HERC1: variants seen among roughly 807,000 people sequenced by gnomAD.
The protein encoded by HERC1 is probable E3 ubiquitin-protein ligase HERC1.
In HERC1, 160 loss-of-function variants were observed where a neutral mutation model predicts 554.3. That is an observed-to-expected ratio of 0.29 (90% CI 0.25 to 0.33). HERC1 has a LOEUF of 0.33. Ranked by LOEUF, HERC1 falls within the 10% of genes least tolerant of loss-of-function variation. The probability of loss-of-function intolerance (pLI) is 1.00; values close to 1 mark genes in which losing one functional copy is unlikely to be tolerated. For missense variants in HERC1, 4,919 were observed against 5,918.5 expected, an observed-to-expected ratio of 0.83 and a Z score of 5.54; for synonymous variants, 2,175 against 2,131.7, an observed-to-expected ratio of 1.02 and a Z score of -0.56.
At chr15:63,633,741 A>T in intron 67 of HERC1, 107 bp downstream of exon 67, 1 of 1,183,802 alleles carries the variant, frequency 8.4e-7, no homozygotes, top group Non-Finnish European at 1.2e-6. Flanking sequence ...CTTCATTATG[A>T]ACTACCAAAA....
At position 63,775,793 on chromosome 15, in the gene HERC1, T is replaced by TG; in HGVS notation, c.-26-145_-26-144insC. 1 of 599,444 alleles carries TG rather than the reference T, an allele frequency of 1.7e-6. No homozygotes were observed. The highest frequency in any genetic ancestry group is 2.9e-6 in the Non-Finnish European group (1 of 350,784). 37.1% of individuals were successfully genotyped at this position (599,444 alleles called of 1,614,324 possible). A position where few individuals can be genotyped will look rare whatever the true frequency, so the allele number is the denominator to read the frequency against. ...TGGCTCACGCCTGTAATCCCAACAC[T>TG]TTGGGAGGCCAAAGTGGGCAGATCA... is the stretch of plus-strand genomic sequence containing the variant. On this transcript the variant is annotated intron_variant, in intron 1 of 77. Transcript: ENST00000443617. The surrounding 1 kb of genome is among the most constrained non-coding windows in gnomAD (Gnocchi z 4.0).
At chr15:63,621,684 C>A (rs1165954848) in intron 74 of HERC1, among the ~76,000 whole-genome samples, 1 of 152,096 alleles carries the variant, frequency 6.6e-6, no homozygotes, top group Admixed American at 6.5e-5. Context: ...AGGCTTTGTT[C>A]GTTTCTTTTT....
chr15:63,678,114 A>G lies in HERC1; in HGVS notation c.6801T>C (p.Asn2267=), dbSNP rs2071297279. The G allele has an allele frequency of 1.2e-6, 2 of 1,613,078 alleles. No individual in the cohort carries two copies. Among genetic ancestry groups the G allele is most frequent in the South Asian group, 1.1e-5 (1 of 91,008 alleles). The change falls in exon 37 of 78, where the codon AAT becomes AAC. Residue 2267 remains asparagine, a synonymous_variant. Coordinates refer to ENST00000443617, the MANE Select transcript of HERC1 (RefSeq NM_003922.4). ...TGCTCTCCTTCTCCTCTCTCATTTC[A>G]TTTTCCTCTCGGCTCTGAACCGAGC... is the stretch of plus-strand genomic sequence containing the variant. ...KSRSVQSREE[N]EMREEKESKE...
chr15:63,651,633 C>T (rs115907334), intron 52 of HERC1, among the ~76,000 whole-genome samples: 30 of 152,308 alleles, frequency 2.0e-4, no homozygotes, highest in African/African-American at 7.2e-4. Context: ...TAAAGACATT[C>T]AAATTCTGTA....
At chr15:63,633,171 A>C (rs769345318) in intron 67 of HERC1, among the ~76,000 whole-genome samples, 26 of 152,246 alleles carry the variant, frequency 1.7e-4, no homozygotes, top group Non-Finnish European at 3.7e-4. Context: ...TAACTGCTTT[A>C]TATGTTCCCC....
chr15:63,715,811 A>G (rs1567045014), intron 22 of HERC1, among the ~76,000 whole-genome samples: 1 of 152,246 alleles, frequency 6.6e-6, no homozygotes. Flanking sequence ...GCACCCAGTC[A>G]ATAGCAGTCT....
At chr15:63,651,402 T>G in intron 52 of HERC1, 22 bp from the exon 53 acceptor site, 1 of 1,607,454 alleles carries the variant, frequency 6.2e-7, no homozygotes, top group South Asian at 1.1e-5. Flanking sequence ...CAGACAGATA[T>G]GCAGTTCTAA....
chr15:63,732,820 CTA>C lies in HERC1; in HGVS notation c.2868+102_2868+103del, dbSNP rs1269534571. On this transcript the variant is annotated intron_variant, in intron 14 of 77. Transcript: ENST00000443617. ...GTTTTTCCCCTTGGGGGAGAGGGGT[CTA>C]GAGTTTGATTTCTATCATAGGTGTT... The C allele has an allele frequency of 4.0e-5, 30 of 750,886 alleles. No individual in the cohort carries two copies. The East Asian group carries it at 7.3e-4, about 18-fold the overall frequency. 46.5% of individuals were successfully genotyped at this position (750,886 alleles called of 1,614,324 possible).
At chr15:63,638,572 C>T in intron 62 of HERC1, 36 bp from the exon 63 acceptor site, 1 of 1,613,426 alleles carries the variant, frequency 6.2e-7, no homozygotes, top group East Asian at 2.2e-5. Flanking sequence ...TTAGAGTCAT[C>T]CATTCACTCA....
intron 34 of HERC1, among the ~76,000 whole-genome samples, chr15:63,681,695 G>A (rs1277895897): frequency 6.6e-6 from 1 of 152,156 alleles, no homozygotes; most frequent in African/African-American, 2.4e-5. Flanking sequence ...CTGGGAGTAT[G>A]AAATGTTGGT....
At chr15:63,632,185 C>A (rs2068590838) in intron 68 of HERC1, 1 of 157,078 alleles carries the variant, frequency 6.4e-6, no homozygotes, top group African/African-American at 2.4e-5. Flanking sequence ...CAACTAGAAA[C>A]TTCAGTCATG....
At chr15:63,620,147 C>G (rs1456441896) in intron 74 of HERC1, among the ~76,000 whole-genome samples, 1 of 152,084 alleles carries the variant, frequency 6.6e-6, no homozygotes, top group Non-Finnish European at 1.5e-5. Flanking sequence ...ATAAATTTCC[C>G]TCTACACACT....
chr15:63,767,839 G>C (rs1235923037), intron 2 of HERC1, among the ~76,000 whole-genome samples: 1 of 152,190 alleles, frequency 6.6e-6, no homozygotes, highest in African/African-American at 2.4e-5. Context: ...GCCTTCAAAA[G>C]CTGCTATGAT....
Position 63,666,065 on chromosome 15 carries a change from C to A in HERC1, c.8409G>T (p.Glu2803Asp). ...AGTCTGCTGTGCTGCCCGACTGGGG[C>A]TCCTCTTCATCCTCATGCCCAGGGT... ...IEHPGHEDEE[E>D]PQSGSTADSR... The change falls in exon 42 of 78, where the codon GAG becomes GAT. Residue 2803 changes from glutamate to aspartate, a missense_variant. This residue lies in a region of HERC1 where 1,963 missense variants were observed against 2,228.6 expected (regional missense o/e 0.88). Coordinates refer to ENST00000443617, the MANE Select transcript of HERC1 (RefSeq NM_003922.4). 2.5e-6 allele frequency: 4 copies of A among 1,613,998 alleles called. No homozygotes were observed. The highest frequency in any genetic ancestry group is 3.4e-6 in the Non-Finnish European group (4 of 1,179,876).
intron 24 of HERC1, among the ~76,000 whole-genome samples, chr15:63,709,329 G>GT (rs963955783): frequency 8.6e-5 from 13 of 151,054 alleles, no homozygotes; most frequent in East Asian, 1.9e-4. Context: ...TTAAAAATGG[G>GT]TTTTTTTTTA....
Position 63,655,755 on chromosome 15 carries a change from T to G in HERC1, c.10071A>C (p.Glu3357Asp). 1 of 1,556,682 alleles carries G rather than the reference T, an allele frequency of 6.4e-7. No homozygotes were observed. The highest frequency in any genetic ancestry group is 8.7e-7 in the Non-Finnish European group (1 of 1,148,184). ...AKLRPNYDKS[E>D]VEKKGPLELA... ...TATGAAACTTACCTTTCTTTTCAAC[T>G]TCTGACTTATCATAGTTAGGTCTTA... The change falls in exon 50 of 78, where the codon GAA (glutamate) becomes GAC (aspartate). Residue 3357 changes from glutamate (E) to aspartate (D), a missense_variant. By Grantham distance (45) the Glu-to-Asp change is conservative. Around this residue, in one of 11 missense-constraint regions of HERC1, gnomAD observed 1,963 missense variants for 2,228.6 expected, o/e 0.88. Coordinates refer to ENST00000443617, the MANE Select transcript of HERC1 (RefSeq NM_003922.4).
intron 1 of HERC1, among the ~76,000 whole-genome samples, chr15:63,785,741 C>A (rs989826333): frequency 2.0e-5 from 3 of 151,528 alleles, no homozygotes; most frequent in African/African-American, 4.9e-5. Flanking sequence ...TACACTGCAG[C>A]CTGGTCAACA....
At chr15:63,803,467 G>C (rs892739812) in intron 1 of HERC1, among the ~76,000 whole-genome samples, 1 of 152,002 alleles carries the variant, frequency 6.6e-6, no homozygotes, top group Admixed American at 6.5e-5. Context: ...TGATGCCCAG[G>C]CTGGAGTGGC....
chr15:63,814,961 G>C (rs960044792), intron 1 of HERC1, among the ~76,000 whole-genome samples: 1 of 152,208 alleles, frequency 6.6e-6, no homozygotes, highest in South Asian at 2.1e-4. Context: ...TATAACCTCA[G>C]ATCTCATGTA....
Sources: gnomAD v4.1 joint callset for allele counts (sites outside exome capture counted in the v4.1 genomes callset) on GRCh38, gnomAD v4.1.1 for gene constraint, gnomAD v4.1.1 regional missense constraint, Gnocchi (gnomAD v3.1) non-coding constraint, MANE v1.5 for transcripts, NCBI Gene and HGNC (gene_info 2026-07-23, HGNC 2026-07-21) for gene names.